CATSPERT: variants seen among roughly 807,000 people sequenced by gnomAD.
The protein encoded by CATSPERT is cation channel sperm-associated targeting subunit tau.
chr2:201,562,475 C>T, the CATSPERT span, among the ~76,000 whole-genome samples: 42 of 151,962 alleles, frequency 2.8e-4, no homozygotes, highest in African/African-American at 9.4e-4. Flanking sequence ...GCGTGAGCCA[C>T]CACGCCCGGC....
the CATSPERT span, among the ~76,000 whole-genome samples, chr2:201,586,052 T>C: frequency 6.6e-6 from 1 of 152,196 alleles, no homozygotes; most frequent in Non-Finnish European, 1.5e-5. Flanking sequence ...ATGAAGACCT[T>C]TATGATGATC....
chr2:201,568,048 T>C, the CATSPERT span, among the ~76,000 whole-genome samples: 2 of 152,298 alleles, frequency 1.3e-5, no homozygotes, highest in East Asian at 3.9e-4. Context: ...GCTGTGGTTA[T>C]TTCTCCAGGT....
the CATSPERT span, among the ~76,000 whole-genome samples, chr2:201,572,746 G>T: frequency 6.6e-6 from 1 of 151,712 alleles, no homozygotes; most frequent in East Asian, 1.9e-4. Flanking sequence ...AGAAGAAAAA[G>T]TAAAAAATCA....
the CATSPERT span, chr2:201,619,058 A>G: frequency 2.5e-6 from 4 of 1,614,118 alleles, no homozygotes; most frequent in South Asian, 2.2e-5. Context: ...GGGGTGGCGG[A>G]CAGGACTTGG....
At chr2:201,583,250 T>C in the CATSPERT span, among the ~76,000 whole-genome samples, 1 of 151,262 alleles carries the variant, frequency 6.6e-6, no homozygotes, top group African/African-American at 2.5e-5. Flanking sequence ...AGACAAGACA[T>C]GATACATTTA....
At chr2:201,541,998 A>G in the CATSPERT span, among the ~76,000 whole-genome samples, 4 of 152,224 alleles carry the variant, frequency 2.6e-5, no homozygotes, top group Admixed American at 6.5e-5. Context: ...GGTTCATGCA[A>G]TCCTCCTGCC....
the CATSPERT span, among the ~76,000 whole-genome samples, chr2:201,511,363 A>G: frequency 6.6e-6 from 1 of 152,158 alleles, no homozygotes; most frequent in East Asian, 1.9e-4. Flanking sequence ...AAATTCTTTG[A>G]AAGAGGTGAT....
the CATSPERT span, among the ~76,000 whole-genome samples, chr2:201,539,585 T>G: frequency 6.7e-6 from 1 of 149,276 alleles, no homozygotes; most frequent in African/African-American, 2.5e-5. Flanking sequence ...TTGGTTTTGG[T>G]TTTTTTTGCC....
the CATSPERT span, among the ~76,000 whole-genome samples, chr2:201,569,200 C>T: frequency 2.0e-5 from 3 of 152,110 alleles, no homozygotes; most frequent in East Asian, 5.8e-4. Context: ...TGAAGGACCT[C>T]CCTTTCATTA....
At chr2:201,585,075 C>T in the CATSPERT span, among the ~76,000 whole-genome samples, 2 of 151,700 alleles carry the variant, frequency 1.3e-5, no homozygotes, top group South Asian at 2.1e-4. Context: ...ATTCTATACT[C>T]AAAAAAAATT....
the CATSPERT span, chr2:201,493,767 G>A: frequency 6.5e-7 from 1 of 1,537,030 alleles, no homozygotes; most frequent in Non-Finnish European, 8.7e-7. Flanking sequence ...CATGTACAGT[G>A]CCACTTGAAC....
At chr2:201,602,755 G>A in the CATSPERT span, among the ~76,000 whole-genome samples, 1 of 152,152 alleles carries the variant, frequency 6.6e-6, no homozygotes, top group Non-Finnish European at 1.5e-5. Flanking sequence ...AAATGTAATG[G>A]AATGTGACTA....
At chr2:201,617,603 C>T in the CATSPERT span, among the ~76,000 whole-genome samples, 29 of 152,182 alleles carry the variant, frequency 1.9e-4, no homozygotes, top group Non-Finnish European at 3.1e-4. Flanking sequence ...ACCATAAAAA[C>T]CCTAGAAGAA....
the CATSPERT span, among the ~76,000 whole-genome samples, chr2:201,615,558 C>T: frequency 0.068 from 10,302 of 152,082 alleles, 505 homozygotes; most frequent in African/African-American, 0.13. Context: ...TTTAAAGCAG[C>T]GTGTAGAAGG....
the CATSPERT span, chr2:201,557,058 G>C: frequency 2.0e-5 from 3 of 151,708 alleles, no homozygotes; most frequent in Non-Finnish European, 2.9e-5. Context: ...CATTTACTAG[G>C]CCAAGAAATA....
At chr2:201,564,589 A>G in the CATSPERT span, among the ~76,000 whole-genome samples, 3 of 152,154 alleles carry the variant, frequency 2.0e-5, no homozygotes, top group African/African-American at 7.2e-5. Context: ...TGCTATTTGG[A>G]GGAAGGGCCT....
chr2:201,541,552 TATATATATATA>T, the CATSPERT span, among the ~76,000 whole-genome samples: 1 of 90,118 alleles, frequency 1.1e-5, no homozygotes, highest in Non-Finnish European at 2.4e-5. Context: ...TATATATATA[TATATATATATA>T]TATATATATA....
chr2:201,547,862 T>C, the CATSPERT span, among the ~76,000 whole-genome samples: 1 of 152,146 alleles, frequency 6.6e-6, no homozygotes, highest in Non-Finnish European at 1.5e-5. Context: ...GTATTTCTGA[T>C]ATTACTGGTG....
the CATSPERT span, among the ~76,000 whole-genome samples, chr2:201,519,467 AC>A: frequency 6.6e-6 from 1 of 152,186 alleles, no homozygotes; most frequent in Non-Finnish European, 1.5e-5. Context: ...AAGCAAGGAA[AC>A]ATGACACAAA....
Sources: gnomAD v4.1 joint callset for allele counts (sites outside exome capture counted in the v4.1 genomes callset) on GRCh38, gnomAD v4.1.1 for gene constraint, MANE v1.5 for transcripts, NCBI Gene and HGNC (gene_info 2026-07-23, HGNC 2026-07-21) for gene names.